Variants in ADAM22 observed in about 807,000 individuals in gnomAD.
ADAM22 encodes the protein ADAM metallopeptidase domain 22.
Under a neutral mutation model 144.6 loss-of-function variants are expected in ADAM22, and 65 were observed. The ratio of observed to expected loss-of-function variants is 0.45; its 90% CI spans 0.37 to 0.55. The LOEUF is 0.55. Ranked by LOEUF, ADAM22 falls within the 20% of genes least tolerant of loss-of-function variation. ADAM22 has a pLI of 0.00. For missense variants in ADAM22, 974 were observed against 1,184.9 expected (o/e 0.82, Z 2.61); for synonymous variants, 391 against 412.6 (o/e 0.95, Z 0.63).
intron 2 of ADAM22, among the ~76,000 whole-genome samples, chr7:87,937,833 A>G (rs1841594256): frequency 1.3e-5 from 2 of 152,244 alleles, no homozygotes. Context: ...GAAAGCAATG[A>G]TACCATCTTA....
At chr7:88,076,809 T>C (rs1814653077) in intron 4 of ADAM22, among the ~76,000 whole-genome samples, 1 of 152,196 alleles carries the variant, frequency 6.6e-6, no homozygotes, top group Non-Finnish European at 1.5e-5. Flanking sequence ...GCCAAGTGTT[T>C]ATTTTCTTCT....
chr7:88,192,394 C>T (rs1849812550), intron 30 of ADAM22, among the ~76,000 whole-genome samples: 1 of 152,116 alleles, frequency 6.6e-6, no homozygotes, highest in Admixed American at 6.5e-5. Context: ...GTATGTTCAG[C>T]TTAGTCACAA....
chr7:88,051,561 G>T (rs113950098), intron 3 of ADAM22, among the ~76,000 whole-genome samples: 4 of 152,004 alleles, frequency 2.6e-5, no homozygotes, highest in African/African-American at 9.7e-5. Flanking sequence ...TGGGGTGGGG[G>T]GAGGAGGGAG....
intron 26 of ADAM22, among the ~76,000 whole-genome samples, chr7:88,172,509 T>C (rs1709658438): frequency 6.6e-6 from 1 of 151,928 alleles, no homozygotes; most frequent in African/African-American, 2.4e-5. Flanking sequence ...ATGAATAAGG[T>C]GTATAAATGT....
At position 88,132,883 on chromosome 7, in the gene ADAM22, A is replaced by G; in HGVS notation, c.1009A>G (p.Ser337Gly). 1 of 1,613,952 alleles carries G rather than the reference A, an allele frequency of 6.2e-7. No individual in the cohort carries two copies. Among genetic ancestry groups the G allele is most frequent in the East Asian group, 2.2e-5 (1 of 44,856 alleles). The change falls in exon 12 of 32, where the codon AGT becomes GGT. Residue 337 changes from serine to glycine, a missense_variant. By Grantham distance (56) the Ser-to-Gly change is moderately conservative. Transcript: ENST00000413139. ...TTCTAAAAGGGGAAGTCAATTTGAGAGTAGCCGGAGCGGGGCAGCTTATAT... is the reference window on the plus strand; with the variant it reads ...TTCTAAAAGGGGAAGTCAATTTGAGGGTAGCCGGAGCGGGGCAGCTTATAT... ...VHLFSGSQFE[S>G]SRSGAAYIGG...
intron 4 of ADAM22, among the ~76,000 whole-genome samples, chr7:88,078,606 T>A (rs1183712112): frequency 6.6e-6 from 1 of 151,856 alleles, no homozygotes; most frequent in African/African-American, 2.4e-5. Flanking sequence ...TGAAAAAAAA[T>A]TAGACGAATG....
chr7:88,172,711 T>C (rs1844650948), intron 26 of ADAM22, among the ~76,000 whole-genome samples: 1 of 152,064 alleles, frequency 6.6e-6, no homozygotes, highest in East Asian at 1.9e-4. Context: ...ACAGAAAATA[T>C]TGACCTTTCC....
At chr7:88,125,957 A>G (rs1371668987) in intron 8 of ADAM22, among the ~76,000 whole-genome samples, 1 of 151,986 alleles carries the variant, frequency 6.6e-6, no homozygotes, top group Non-Finnish European at 1.5e-5. Context: ...TTCCTTGCCC[A>G]GATATGTACC....
intron 2 of ADAM22, among the ~76,000 whole-genome samples, chr7:87,968,157 T>C (rs1210101217): frequency 6.6e-6 from 1 of 152,212 alleles, no homozygotes; most frequent in Non-Finnish European, 1.5e-5. Flanking sequence ...GCTATTTTTA[T>C]TGGACATGTA....
At chr7:88,062,752 A>T (rs1321910479) in intron 3 of ADAM22, among the ~76,000 whole-genome samples, 1 of 152,192 alleles carries the variant, frequency 6.6e-6, no homozygotes, top group African/African-American at 2.4e-5. Context: ...AAAGTAAGAG[A>T]CATGCAACTC....
chr7:87,979,067 C>G (rs1852636173), intron 3 of ADAM22, among the ~76,000 whole-genome samples: 4 of 152,184 alleles, frequency 2.6e-5, no homozygotes, highest in South Asian at 4.1e-4. Context: ...TATCCTACTT[C>G]TGATCATGGG....
chr7:88,061,864 G>T (rs555467993), intron 3 of ADAM22, among the ~76,000 whole-genome samples: 1 of 135,436 alleles, frequency 7.4e-6, no homozygotes, highest in South Asian at 2.4e-4. Context: ...TTTTTTTGAG[G>T]CAGAGTCTCA....
chr7:88,185,875 G>C (rs1004878766), intron 29 of ADAM22: 5 of 152,216 alleles, frequency 3.3e-5, no homozygotes, highest in African/African-American at 1.2e-4. Flanking sequence ...CAACCTCTGA[G>C]GGTTGGTTCC....
At chr7:88,191,708 A>G (rs2129540751) in intron 30 of ADAM22, among the ~76,000 whole-genome samples, 1 of 152,350 alleles carries the variant, frequency 6.6e-6, no homozygotes, top group South Asian at 2.1e-4. Flanking sequence ...AGTTACACCC[A>G]TCCGCTCGGC....
chr7:88,060,022 G>A (rs1809347829), intron 3 of ADAM22, among the ~76,000 whole-genome samples: 1 of 151,936 alleles, frequency 6.6e-6, no homozygotes, highest in African/African-American at 2.4e-5. Context: ...CCCCAATACT[G>A]TGTTTACACT....
At chr7:88,052,128 C>G (rs1397762271) in intron 3 of ADAM22, among the ~76,000 whole-genome samples, 3 of 152,070 alleles carry the variant, frequency 2.0e-5, no homozygotes, top group Non-Finnish European at 2.9e-5. Context: ...TCCCTGCTAT[C>G]CACTTCACTT....
At chr7:87,994,890 C>T (rs1174598235) in intron 3 of ADAM22, among the ~76,000 whole-genome samples, 5 of 151,790 alleles carry the variant, frequency 3.3e-5, no homozygotes, top group African/African-American at 9.7e-5. Flanking sequence ...TGCAGTGGCG[C>T]GATCTCCGCT....
In ADAM22 at chr7:88,132,880, G is replaced by A. The variant is rs752704933; in HGVS notation, c.1006G>A (p.Glu336Lys). Residue 336 changes from glutamate to lysine, a missense_variant, in exon 12 of 32, where the codon GAG becomes AAG. Glu to Lys is a moderately conservative substitution (Grantham distance 56, BLOSUM62 1). Around this residue, in one of 2 missense-constraint regions of ADAM22, gnomAD observed 734 missense variants for 950.6 expected, o/e 0.77. Transcript: ENST00000413139. Reference protein sequence around the residue: ...AVHLFSGSQFESSRSGAAYIG... With the variant: ...AVHLFSGSQFKSSRSGAAYIG... ...CTTTTCTAAAAGGGGAAGTCAATTT[G>A]AGAGTAGCCGGAGCGGGGCAGCTTA... 1.2e-6 allele frequency: 2 copies of A among 1,613,956 alleles called. No individual in the cohort carries two copies. The highest frequency in any genetic ancestry group is 1.7e-5 in the Admixed American group (1 of 60,010).
chr7:88,119,873 C>T (rs758423266), intron 7 of ADAM22, among the ~76,000 whole-genome samples: 13 of 152,168 alleles, frequency 8.5e-5, no homozygotes, highest in South Asian at 2.1e-4. Context: ...CAACTATGCA[C>T]GTTATTGTAC....
Sources: gnomAD v4.1 joint callset for allele counts (sites outside exome capture counted in the v4.1 genomes callset) on GRCh38, gnomAD v4.1.1 for gene constraint, gnomAD v4.1.1 regional missense constraint, MANE v1.5 for transcripts, NCBI Gene and HGNC (gene_info 2026-07-23, HGNC 2026-07-21) for gene names.